The following SMCHD1 variants were observed in gnomAD, a reference collection of about 807,000 sequenced individuals.
SMCHD1 encodes the protein structural maintenance of chromosomes flexible hinge domain-containing protein 1.
Under a neutral mutation model 254.7 loss-of-function variants are expected in SMCHD1, and 78 were observed. The observed-to-expected ratio is 0.31, with a 90% CI of 0.26 to 0.37. The LOEUF (loss-of-function observed/expected upper bound fraction) is 0.37, where lower values mean the gene tolerates loss of function less well. Ranked by LOEUF, SMCHD1 falls within the 10% of genes least tolerant of loss-of-function variation. The probability of loss-of-function intolerance (pLI) is 1.00; values close to 1 mark genes in which losing one functional copy is unlikely to be tolerated. For missense variants in SMCHD1, 1,840 were observed against 2,408.1 expected (o/e 0.76, Z 4.94); for synonymous variants, 766 against 794.9 (o/e 0.96, Z 0.61).
At chr18:2,773,793 T>C (rs1009242873) in intron 41 of SMCHD1, among the ~76,000 whole-genome samples, 2 of 152,130 alleles carry the variant, frequency 1.3e-5, no homozygotes, top group Non-Finnish European at 2.9e-5. Flanking sequence ...CATGGTGGCA[T>C]GTGCCTGTAA....
chr18:2,750,822 A>G (rs922933096), intron 32 of SMCHD1, among the ~76,000 whole-genome samples: 1 of 152,124 alleles, frequency 6.6e-6, no homozygotes, highest in Admixed American at 6.6e-5. Context: ...TTACATGTAT[A>G]CATAGCTTTT....
At chr18:2,695,723 A>ATG (rs2074272573) in intron 8 of SMCHD1, among the ~76,000 whole-genome samples, 1 of 152,214 alleles carries the variant, frequency 6.6e-6, no homozygotes, top group Non-Finnish European at 1.5e-5. Context: ...CTCAAAATTC[A>ATG]TATTTTAAAA....
chr18:2,721,571 T>C (rs1568233102), intron 19 of SMCHD1, among the ~76,000 whole-genome samples: 1 of 152,186 alleles, frequency 6.6e-6, no homozygotes, highest in African/African-American at 2.4e-5. Context: ...AAAAAAATTA[T>C]GCTGCTTTCT....
intron 1 of SMCHD1, among the ~76,000 whole-genome samples, chr18:2,661,586 G>A (rs1031427936): frequency 5.3e-5 from 8 of 151,594 alleles, no homozygotes; most frequent in Admixed American, 2.6e-4. Flanking sequence ...TTTTAATATG[G>A]ATTAAACATC....
At chr18:2,757,412 A>C (rs1284406155) in intron 34 of SMCHD1, among the ~76,000 whole-genome samples, 1 of 151,780 alleles carries the variant, frequency 6.6e-6, no homozygotes, top group African/African-American at 2.4e-5. Context: ...TCAGGGCCTC[A>C]CTGTGTTGCC....
At chr18:2,795,270 G>A (rs933022779) in intron 45 of SMCHD1, among the ~76,000 whole-genome samples, 3 of 150,994 alleles carry the variant, frequency 2.0e-5, no homozygotes, top group Admixed American at 6.6e-5. Flanking sequence ...TGTTAGCCAG[G>A]ATGGTCTTTA....
intron 21 of SMCHD1, 50 bp from the exon 22 acceptor site, chr18:2,726,402 T>TCAG: frequency 1.0e-6 from 1 of 960,474 alleles, no homozygotes; most frequent in Non-Finnish European, 1.5e-6. Context: ...ATAAACTACT[T>TCAG]AAGTATGTAT....
At chr18:2,664,360 T>G (rs1341431417) in intron 1 of SMCHD1, among the ~76,000 whole-genome samples, 2 of 67,190 alleles carry the variant, frequency 3.0e-5, no homozygotes, top group East Asian at 3.7e-4. Context: ...ATTAAATTTG[T>G]TTTTTTTTTG....
At chr18:2,691,910 G>A (rs2074188521) in intron 7 of SMCHD1, 2 of 152,250 alleles carry the variant, frequency 1.3e-5, no homozygotes, top group Non-Finnish European at 2.9e-5. Flanking sequence ...GCCATAACTA[G>A]GGCTGCAGTG....
rs2075947905 is a variant in SMCHD1, at chr18:2,769,970, T to G, written c.4847-19T>G. The G allele has an allele frequency of 1.9e-6, 3 of 1,569,222 alleles. No homozygotes were observed. The highest frequency in any genetic ancestry group is 2.6e-6 in the Non-Finnish European group (3 of 1,165,332). On this transcript the variant is annotated intron_variant, in intron 38 of 47. Transcript: ENST00000320876. The stretch of plus-strand genomic sequence containing the variant: ...GTCAGTTTTTAAATTATTTAAATTA[T>G]CTCAATTTTTTTTCTTAGATGTTAA...
intron 41 of SMCHD1, among the ~76,000 whole-genome samples, 176 bp downstream of exon 41, chr18:2,772,548 G>A (rs184974724): frequency 1.3e-5 from 2 of 152,312 alleles, no homozygotes; most frequent in African/African-American, 4.8e-5. Flanking sequence ...ACTGAAATCT[G>A]TAATGTTACT....
chr18:2,683,449 G>C (rs1445188289), intron 5 of SMCHD1, among the ~76,000 whole-genome samples: 10 of 152,102 alleles, frequency 6.6e-5, no homozygotes, highest in African/African-American at 2.2e-4. Flanking sequence ...TCTTTCTATT[G>C]ATTTCAAGTG....
chr18:2,717,564 C>A (rs1220115283), intron 17 of SMCHD1, among the ~76,000 whole-genome samples: 1 of 152,202 alleles, frequency 6.6e-6, no homozygotes, highest in Non-Finnish European at 1.5e-5. Context: ...AATTCTTGGC[C>A]TCAGCCTTCC....
chr18:2,776,041 T>C (rs2076060421), intron 42 of SMCHD1, 117 bp downstream of exon 42: 1 of 884,676 alleles, frequency 1.1e-6, no homozygotes, highest in South Asian at 1.8e-5. Context: ...TTGACTTGAA[T>C]TATATACGTT....
chr18:2,721,866 A>G (rs2074934306), intron 19 of SMCHD1, among the ~76,000 whole-genome samples: 1 of 152,200 alleles, frequency 6.6e-6, no homozygotes, highest in Non-Finnish European at 1.5e-5. Context: ...AGTTTGTATC[A>G]GAATCACCTG....
rs78468327 is a variant in SMCHD1 at position 2,674,369 on chromosome 18, T to C, written c.638+224T>C. ...AGCTCATTTTGCATTTCCTGAGGTA[T>C]GTAGGAGTTGATATGTTGGGTACCT... On this transcript the variant is annotated intron_variant, in intron 5 of 47. Transcript: ENST00000320876. 0.015 allele frequency among the ~76,000 whole-genome samples: 2,308 copies of C among 152,278 alleles called. 46 individuals are homozygous for C. The highest frequency in any genetic ancestry group is 0.052 in the African/African-American group (2,158 of 41,552).
chr18:2,763,800 T>G lies in SMCHD1; in HGVS notation c.4719+11T>G, dbSNP rs1384744159. The G allele has an allele frequency of 1.2e-6, 2 of 1,603,644 alleles. No individual in the cohort carries two copies. The highest frequency in any genetic ancestry group is 3.5e-5 in the Admixed American group (2 of 57,468). ...TCGGCTGAAATCATGGTAAATTTTT[T>G]ATATCTTTTGGTAGATAGAATTTCT... On this transcript the variant is annotated intron_variant, in intron 37 of 47. Transcript: ENST00000320876.
chr18:2,734,422 A>C (rs2075205545), intron 25 of SMCHD1, among the ~76,000 whole-genome samples: 1 of 152,140 alleles, frequency 6.6e-6, no homozygotes, highest in Non-Finnish European at 1.5e-5. Flanking sequence ...TTTGGTAATT[A>C]TGTATGTCTG....
In SMCHD1 at chr18:2,783,458, A is replaced by T. The variant is rs17552501; in HGVS notation, c.5548-992A>T. Among the ~76,000 whole-genome samples, 3 of 152,074 alleles carry T rather than the reference A, an allele frequency of 2.0e-5. No individual in the cohort carries two copies. The South Asian group carries it at 6.2e-4, about 31-fold the overall frequency. ...TTGAATTCCACGTCTCTGGTTACCA[A>T]TGAAGTTTAACTTTTATTTTTTAAT... is the stretch of plus-strand genomic sequence containing the variant. On this transcript the variant is annotated intron_variant, in intron 44 of 47. Transcript: ENST00000320876.
Sources: gnomAD v4.1 joint callset for allele counts (sites outside exome capture counted in the v4.1 genomes callset) on GRCh38, gnomAD v4.1.1 for gene constraint, MANE v1.5 for transcripts, NCBI Gene and HGNC (gene_info 2026-07-23, HGNC 2026-07-21) for gene names.